The following DGAT1 variants were observed in gnomAD, a reference collection of about 807,000 sequenced individuals.
DGAT1 encodes the protein diacylglycerol O-acyltransferase 1.
A neutral mutation model predicts 72.6 loss-of-function variants in DGAT1; 60 were observed. The ratio of observed to expected loss-of-function variants is 0.83; its 90% CI spans 0.67 to 1.02. The LOEUF (loss-of-function observed/expected upper bound fraction) is 1.02. Among genes scored for constraint, DGAT1 ranks in the 50% least tolerant of loss-of-function variants. DGAT1 has a pLI of 0.00. For synonymous variants in DGAT1, 290 were observed against 267.5 expected (o/e 1.08, Z -0.82); for missense variants, 592 against 670.0 (o/e 0.88, Z 1.29).
intron 6 of DGAT1, 41 bp from the exon 7 acceptor site, chr8:144,318,403 C>T (rs373729502): frequency 1.9e-5 from 31 of 1,597,646 alleles, no homozygotes; most frequent in African/African-American, 1.1e-4. Context: ...GCGCCACAGC[C>T]GGAGGCCATG....
In DGAT1 at chr8:144,316,728, A is replaced by C. The variant is rs1554847090; in HGVS notation, c.1312-19T>G. ...GTGGGATCTAGGGAGTGAGGGGCCAAGTCAGTCGGCCATGGTGACCACAGG... is the reference window on the plus strand; with the variant it reads ...GTGGGATCTAGGGAGTGAGGGGCCACGTCAGTCGGCCATGGTGACCACAGG... On this transcript the variant is annotated intron_variant, in intron 16 of 16. Transcript: ENST00000528718. 2.5e-6 allele frequency: 4 copies of C among 1,608,858 alleles called. No individual in the cohort carries two copies. The East Asian group carries it at 6.7e-5, about 27-fold the overall frequency.
chr8:144,321,498 C>T (rs1817458046), intron 1 of DGAT1, 90 bp from the exon 2 acceptor site: 2 of 1,189,058 alleles, frequency 1.7e-6, no homozygotes, highest in South Asian at 1.2e-5. Flanking sequence ...CCAGTGTCCT[C>T]GTCTGCCCTC....
intron 1 of DGAT1, 123 bp from the exon 2 acceptor site, chr8:144,321,531 C>G: frequency 7.0e-6 from 6 of 862,924 alleles, no homozygotes; most frequent in Admixed American, 2.0e-5. Flanking sequence ...TTATTTACAA[C>G]CAGGAGGAGA....
At chr8:144,317,617 T>C (rs1817288810) in intron 11 of DGAT1, 29 bp from the exon 12 acceptor site, 1 of 1,613,818 alleles carries the variant, frequency 6.2e-7, no homozygotes, top group African/African-American at 1.3e-5. Context: ...CAGCTAGCCA[T>C]GCTCCTGGTC....
In DGAT1 at chr8:144,318,198, T is replaced by C. The variant is rs782269222; in HGVS notation, c.677-29A>G. ...CGAGCACAGCAGAGTGGGAGGGGGC[T>C]GGTGGGGCCCTGCTGCTGCCCAGCC... On this transcript the variant is annotated intron_variant, in intron 7 of 16. Coordinates refer to ENST00000528718, the MANE Select transcript of DGAT1 (RefSeq NM_012079.6). The C allele has an allele frequency of 1.9e-5, 30 of 1,609,336 alleles. No individual in the cohort carries two copies. In the Admixed American group the frequency reaches 3.0e-4, roughly 16 times the overall value.
intron 5 of DGAT1, 34 bp from the exon 6 acceptor site, chr8:144,318,600 C>T (rs1797070037): frequency 1.9e-6 from 3 of 1,607,508 alleles, no homozygotes. Context: ...AACCAGGGCT[C>T]CCATTGCCTG....
In DGAT1 at chr8:144,326,569, C is replaced by A. The variant is rs1554848812; in HGVS notation, c.68G>T (p.Gly23Val). ...CACCTCCTCTTCCGCCGCCGCAGGCCCGCCGCCGCCGTGGCTCGAGGGCCG... is the reference window on the plus strand; with the variant it reads ...CACCTCCTCTTCCGCCGCCGCAGGCACGCCGCCGCCGTGGCTCGAGGGCCG... ...GSRPSSHGGG[G>V]PAAAEEEVRD... The change falls in exon 1 of 17, where the codon GGG becomes GTG. Residue 23 changes from glycine to valine, a missense_variant. Transcript: ENST00000528718. The A allele has an allele frequency of 2.4e-6, 3 of 1,249,294 alleles. No individual in the cohort carries two copies. The allele number at this position is 1,249,294 out of a possible 1,614,324, so 77.4% of individuals were successfully genotyped here.
rs981494684 is a variant in DGAT1, at chr8:144,315,024, T to G, written c.*1530A>C. The G allele has an allele frequency of 1.0e-6, 1 of 985,420 alleles. No homozygotes were observed. Among genetic ancestry groups the G allele is most frequent in the African/African-American group, 1.7e-5 (1 of 57,192 alleles). 61.0% of individuals were successfully genotyped at this position (985,420 alleles called of 1,614,324 possible). On this transcript the variant is annotated 3_prime_UTR_variant, in exon 17 of 17. Coordinates refer to ENST00000528718, the MANE Select transcript of DGAT1 (RefSeq NM_012079.6). ...GTGATGCGGGGCGGGCACACTGTCTTTCTGCCAGAGCCAGCACCCTGTGTA... is the reference window on the plus strand; with the variant it reads ...GTGATGCGGGGCGGGCACACTGTCTGTCTGCCAGAGCCAGCACCCTGTGTA...
chr8:144,318,173 C>A lies in DGAT1; in HGVS notation c.677-4G>T. 1 of 1,603,790 alleles carries A rather than the reference C, an allele frequency of 6.2e-7. No individual in the cohort carries two copies. The highest frequency in any genetic ancestry group is 8.5e-7 in the Non-Finnish European group (1 of 1,174,162). ...CTGGCCTTCTTCCCTGCAGAGGCTA[C>A]GAGCACAGCAGAGTGGGAGGGGGCT... On this transcript the variant is annotated splice_region_variant and splice_polypyrimidine_tract_variant and intron_variant, in intron 7 of 16. Transcript: ENST00000528718.
intron 1 of DGAT1, among the ~76,000 whole-genome samples, chr8:144,325,268 C>A (rs1554848657): frequency 6.6e-6 from 1 of 152,024 alleles, no homozygotes; most frequent in Non-Finnish European, 1.5e-5. Flanking sequence ...CCCTCCTCCC[C>A]ACGGCCCCTT....
At position 144,318,834 on chromosome 8, in the gene DGAT1, C is replaced by T. The variant is rs1817349586; in HGVS notation, c.415+1G>A. Reference sequence around the variant, plus strand: ...GAGGCCCTCCTCAGAGCCCAGCTCACCAATAACCAGGCATGGGGCGGGCCA... The same window carrying T: ...GAGGCCCTCCTCAGAGCCCAGCTCATCAATAACCAGGCATGGGGCGGGCCA... On this transcript the variant is annotated splice_donor_variant, in intron 4 of 16. Coordinates refer to ENST00000528718, the MANE Select transcript of DGAT1 (RefSeq NM_012079.6). LOFTEE classifies it high-confidence loss of function. 1 of 1,611,756 alleles carries T rather than the reference C, an allele frequency of 6.2e-7. No individual in the cohort carries two copies. Among genetic ancestry groups the T allele is most frequent in the Non-Finnish European group, 8.5e-7 (1 of 1,178,970 alleles).
chr8:144,316,450 G>A lies in DGAT1; in HGVS notation c.*104C>T. On this transcript the variant is annotated 3_prime_UTR_variant, in exon 17 of 17. Transcript: ENST00000528718. ...GGCCTCCCTGGGACCAGAGGAGGAT[G>A]CTGTGCAGCCAGGCCCATCCCCAGC... 10 of 1,378,220 alleles carry A rather than the reference G, an allele frequency of 7.3e-6. No homozygotes were observed. Among genetic ancestry groups the A allele is most frequent in the Non-Finnish European group, 9.7e-6 (10 of 1,028,440 alleles). 85.4% of individuals were successfully genotyped at this position (1,378,220 alleles called of 1,614,324 possible). A position where few individuals can be genotyped will look rare whatever the true frequency, so the allele number is the denominator to read the frequency against.
intron 2 of DGAT1, among the ~76,000 whole-genome samples, chr8:144,319,576 G>A (rs1817385130): frequency 6.6e-6 from 1 of 152,362 alleles, no homozygotes; most frequent in East Asian, 1.9e-4. Context: ...TTTCTCTGCA[G>A]GAGCAGTGTC....
intron 1 of DGAT1, 40 bp from the exon 2 acceptor site, chr8:144,321,448 A>G (rs782106692): frequency 8.2e-6 from 13 of 1,577,332 alleles, no homozygotes; most frequent in Admixed American, 3.3e-5. Context: ...AGTGGGCACC[A>G]GCAGGGCAGC....
At chr8:144,323,762 C>T (rs1554848452) in intron 1 of DGAT1, among the ~76,000 whole-genome samples, 1 of 152,232 alleles carries the variant, frequency 6.6e-6, no homozygotes, top group African/African-American at 2.4e-5. Context: ...CATGCCCACC[C>T]GCCACCCTGT....
In DGAT1 at chr8:144,315,866, C is replaced by T; in HGVS notation, c.*688G>A. The T allele has an allele frequency of 3.0e-6, 3 of 985,598 alleles. No homozygotes were observed. Among genetic ancestry groups the T allele is most frequent in the Non-Finnish European group, 3.6e-6 (3 of 830,068 alleles). The allele number at this position is 985,598 out of a possible 1,614,324, so 61.1% of individuals were successfully genotyped here. A position where few individuals can be genotyped will look rare whatever the true frequency, so the allele number is the denominator to read the frequency against. ...TAGCCATGGACATAGCCATTGTGTACCGTAGCCCCTCGGCTCACCAGACCC... is the reference window on the plus strand; with the variant it reads ...TAGCCATGGACATAGCCATTGTGTATCGTAGCCCCTCGGCTCACCAGACCC... On this transcript the variant is annotated 3_prime_UTR_variant, in exon 17 of 17. Transcript: ENST00000528718.
chr8:144,320,933 C>A (rs1817434479), intron 2 of DGAT1, among the ~76,000 whole-genome samples: 1 of 152,164 alleles, frequency 6.6e-6, no homozygotes, highest in African/African-American at 2.4e-5. Context: ...TCCCACCAGC[C>A]CAGGGCAAGA....
chr8:144,320,669 C>A (rs1358426744), intron 2 of DGAT1, among the ~76,000 whole-genome samples: 3 of 152,034 alleles, frequency 2.0e-5, no homozygotes, highest in Non-Finnish European at 4.4e-5. Context: ...GGGCTGGCAG[C>A]CCCACCCCAC....
At chr8:144,318,983 CAGGCCATGGGT>C in intron 3 of DGAT1, 34 bp downstream of exon 3, 1 of 1,529,548 alleles carries the variant, frequency 6.5e-7, no homozygotes, top group South Asian at 1.2e-5. Context: ...GGGGCCTGGA[CAGGCCATGGGT>C]GGGGCAGGGG....
Sources: allele counts gnomAD v4.1 joint callset (sites outside exome capture counted in the v4.1 genomes callset), GRCh38; gene constraint gnomAD v4.1.1; transcripts MANE v1.5; gene names NCBI Gene and HGNC (gene_info 2026-07-23, HGNC 2026-07-21).